The following PPFIBP2 variants were observed in gnomAD, a reference collection of about 807,000 sequenced individuals.
PPFIBP2 encodes the protein liprin-beta-2.
PPFIBP2 carries 118 observed loss-of-function variants against 118.3 expected under a neutral mutation model. That is an observed-to-expected ratio of 1.00 (90% CI 0.86 to 1.16). The LOEUF is 1.16. Ranked by LOEUF, PPFIBP2 falls within the 50% of genes most tolerant of loss-of-function variation. PPFIBP2 has a pLI of 0.00. For missense variants in PPFIBP2, 1,195 were observed against 1,073.1 expected (o/e 1.11, Z -1.59); for synonymous variants, 414 against 397.4 (o/e 1.04, Z -0.50).
At chr11:7,636,445 C>G (rs1213621306) in intron 14 of PPFIBP2, among the ~76,000 whole-genome samples, 1 of 152,140 alleles carries the variant, frequency 6.6e-6, no homozygotes, top group Non-Finnish European at 1.5e-5. Context: ...AACTGTATAG[C>G]AAAAGTCTTC....
At chr11:7,632,978 C>T (rs1850974004) in intron 12 of PPFIBP2, 44 bp downstream of exon 12, 3 of 1,575,328 alleles carry the variant, frequency 1.9e-6, no homozygotes, top group Non-Finnish European at 2.6e-6. Flanking sequence ...TGCTCTCAGG[C>T]TTGCCTTGGG....
At chr11:7,518,984 G>A (rs1849490371) in intron 1 of PPFIBP2, among the ~76,000 whole-genome samples, 1 of 152,182 alleles carries the variant, frequency 6.6e-6, no homozygotes, top group Non-Finnish European at 1.5e-5. Flanking sequence ...TAAGGTGGCG[G>A]GATGGGTTTA....
chr11:7,600,962 C>G (rs1861319719), intron 5 of PPFIBP2, among the ~76,000 whole-genome samples: 1 of 152,240 alleles, frequency 6.6e-6, no homozygotes, highest in Non-Finnish European at 1.5e-5. Flanking sequence ...CTCCAATCTG[C>G]AACCTCTGCT....
chr11:7,562,929 T>TTATATATATATATATATA (rs60848890), intron 2 of PPFIBP2, among the ~76,000 whole-genome samples: 2 of 86,536 alleles, frequency 2.3e-5, no homozygotes, highest in Non-Finnish European at 4.9e-5. Context: ...AATTAAAGTT[T>TTATATATATATATATATA]TATATATATA....
In PPFIBP2 at chr11:7,648,529, A is replaced by G; in HGVS notation, c.1789A>G (p.Met597Val). The part of the protein sequence containing the change: ...HTLLTATPQD[M>V]EKELGIKHPL... Reference sequence around the variant, plus strand: ...CTTATTGACAGCCACCCCTCAGGACATGGAAAAGGTAAGGGCTCAGCTTGG... The same window carrying G: ...CTTATTGACAGCCACCCCTCAGGACGTGGAAAAGGTAAGGGCTCAGCTTGG... The change falls in exon 18 of 24, where the codon ATG becomes GTG. Residue 597 changes from methionine (M) to valine (V), a missense_variant. Coordinates refer to ENST00000299492, the MANE Select transcript of PPFIBP2 (RefSeq NM_003621.5). 1.9e-6 allele frequency: 3 copies of G among 1,613,990 alleles called. No homozygotes were observed. The highest frequency in any genetic ancestry group is 2.5e-6 in the Non-Finnish European group (3 of 1,179,938).
intron 1 of PPFIBP2, among the ~76,000 whole-genome samples, chr11:7,540,732 C>T (rs555698504): frequency 3.9e-5 from 6 of 152,214 alleles, no homozygotes; most frequent in South Asian, 4.1e-4. Flanking sequence ...AGGGAGATGG[C>T]TGTGCACAGC....
At chr11:7,575,846 T>C (rs538765611) in intron 3 of PPFIBP2, among the ~76,000 whole-genome samples, 1 of 152,308 alleles carries the variant, frequency 6.6e-6, no homozygotes, top group South Asian at 2.1e-4. Context: ...CACTGTGCTG[T>C]GGAGCAGGGC....
intron 5 of PPFIBP2, among the ~76,000 whole-genome samples, chr11:7,606,886 A>ATTTTTTGTTTTTTTTTTTTTTTTTTT (rs1847409839): frequency 1.9e-5 from 1 of 51,352 alleles, no homozygotes; most frequent in Non-Finnish European, 3.7e-5. Context: ...AACTGCATGA[A>ATTTTTTGTTTTTTTTTTTTTTTTTTT]TTTTTTTTTT....
intron 4 of PPFIBP2, among the ~76,000 whole-genome samples, chr11:7,594,615 C>G (rs530049272): frequency 6.6e-6 from 1 of 151,570 alleles, no homozygotes; most frequent in East Asian, 1.9e-4. Flanking sequence ...AACCCTGTCT[C>G]TACTGAAAAT....
At chr11:7,540,822 C>T (rs891141747) in intron 1 of PPFIBP2, among the ~76,000 whole-genome samples, 1 of 152,090 alleles carries the variant, frequency 6.6e-6, no homozygotes, top group Non-Finnish European at 1.5e-5. Flanking sequence ...AGTATGATTA[C>T]CTGGAAGAGC....
intron 5 of PPFIBP2, among the ~76,000 whole-genome samples, chr11:7,604,126 A>G (rs527895120): frequency 6.6e-6 from 1 of 152,308 alleles, no homozygotes; most frequent in South Asian, 2.1e-4. Flanking sequence ...TTGGGTGAGA[A>G]TGAGATTAAG....
chr11:7,567,672 C>T (rs1855159310), intron 3 of PPFIBP2, among the ~76,000 whole-genome samples: 1 of 152,228 alleles, frequency 6.6e-6, no homozygotes, highest in Admixed American at 6.5e-5. Context: ...ATGATCAGCA[C>T]ATCCACATTC....
At position 7,651,696 on chromosome 11, in the gene PPFIBP2, T is replaced by C. The variant is rs1480886936; in HGVS notation, c.2288T>C (p.Leu763Pro). 2 of 1,613,536 alleles carry C rather than the reference T, an allele frequency of 1.2e-6. No homozygotes were observed. The highest frequency in any genetic ancestry group is 1.7e-5 in the Admixed American group (1 of 60,012). ...PRFTGDTLAM[L>P]LNIPPQKTLL... Reference sequence around the variant, plus strand: ...TTCACTGGGGACACCCTGGCTATGCTTCTCAACATCCCCCCACAAAAGACG... The same window carrying C: ...TTCACTGGGGACACCCTGGCTATGCCTCTCAACATCCCCCCACAAAAGACG... The change falls in exon 23 of 24, where the codon CTT becomes CCT. Residue 763 changes from leucine (L) to proline (P), a missense_variant. Leu to Pro is a moderately conservative substitution (Grantham distance 98). Coordinates refer to ENST00000299492, the MANE Select transcript of PPFIBP2 (RefSeq NM_003621.5).
At chr11:7,595,114 G>C (rs749808877) in intron 4 of PPFIBP2, among the ~76,000 whole-genome samples, 1 of 152,124 alleles carries the variant, frequency 6.6e-6, no homozygotes, top group Admixed American at 6.6e-5. Context: ...ATTCCAGGCA[G>C]AGCAGGCAGT....
At chr11:7,517,797 C>T (rs1564931021) in intron 1 of PPFIBP2, among the ~76,000 whole-genome samples, 1 of 152,174 alleles carries the variant, frequency 6.6e-6, no homozygotes, top group Non-Finnish European at 1.5e-5. Flanking sequence ...GTTGCCGGGG[C>T]ATCCATTCCA....
At chr11:7,564,165 CA>C (rs199904165) in intron 2 of PPFIBP2, among the ~76,000 whole-genome samples, 28,511 of 131,280 alleles carry the variant, frequency 0.22, 2,676 homozygotes, top group Middle Eastern at 0.22. Flanking sequence ...GACTCCGTCT[CA>C]AAAAAAAAAA....
At chr11:7,552,045 C>T (rs1164198614) in intron 2 of PPFIBP2, among the ~76,000 whole-genome samples, 2 of 152,174 alleles carry the variant, frequency 1.3e-5, no homozygotes, top group Admixed American at 6.5e-5. Flanking sequence ...TAGAAGGGCT[C>T]CTGGGCTTTT....
rs371001190 is a variant in PPFIBP2 at position 7,650,823 on chromosome 11, C to T, written c.2122-17C>T. The T allele has an allele frequency of 4.2e-5, 68 of 1,612,562 alleles. No homozygotes were observed. Among genetic ancestry groups the T allele is most frequent in the Admixed American group, 6.7e-5 (4 of 59,970 alleles). On this transcript the variant is annotated splice_polypyrimidine_tract_variant and intron_variant, in intron 21 of 23. Coordinates refer to ENST00000299492, the MANE Select transcript of PPFIBP2 (RefSeq NM_003621.5). ...CTATTAAGCCTAACTTCCTCACTCT[C>T]CTTCTCCCTCTGACAGAGTAACCTT... is the stretch of plus-strand genomic sequence containing the variant.
At chr11:7,645,397 G>C (rs1172251196) in intron 17 of PPFIBP2, among the ~76,000 whole-genome samples, 1 of 152,144 alleles carries the variant, frequency 6.6e-6, no homozygotes. Context: ...AATGTGCCAT[G>C]TGCTCTCCCC....
Sources: gnomAD v4.1 joint callset for allele counts (sites outside exome capture counted in the v4.1 genomes callset) on GRCh38, gnomAD v4.1.1 for gene constraint, MANE v1.5 for transcripts, NCBI Gene and HGNC (gene_info 2026-07-23, HGNC 2026-07-21) for gene names.